The following LRRC7 variants were observed in gnomAD, a reference collection of about 807,000 sequenced individuals.
LRRC7 encodes the protein leucine-rich repeat-containing protein 7.
LRRC7 carries 23 observed loss-of-function variants against 175.7 expected under a neutral mutation model. That is an observed-to-expected ratio of 0.13 (90% CI 0.09 to 0.19). LRRC7 has a LOEUF of 0.19. Ranked by LOEUF, LRRC7 falls within the 10% of genes least tolerant of loss-of-function variation. The pLI is 1.00. For synonymous variants in LRRC7, 685 were observed against 680.9 expected, an observed-to-expected ratio of 1.01 and a Z score of -0.09; for missense variants, 1,354 against 1,904.7, an observed-to-expected ratio of 0.71 and a Z score of 5.38.
rs563587413 is a variant in LRRC7, at chr1:70,142,026, GA to G, written c.*20141del. 8.8e-4 allele frequency: 134 copies of G among 152,030 alleles called. No individual in the cohort carries two copies. The highest frequency in any genetic ancestry group is 3.1e-3 in the African/African-American group (129 of 41,476). 9.4% of individuals were successfully genotyped at this position (152,030 alleles called of 1,614,324 possible). A position where few individuals can be genotyped will look rare whatever the true frequency, so the allele number is the denominator to read the frequency against. On this transcript the variant is annotated 3_prime_UTR_variant, in exon 27 of 27. Coordinates refer to ENST00000651989, the MANE Select transcript of LRRC7 (RefSeq NM_001370785.2). ...TACCCTTCCCCAACCCTCTACTAAA[GA>G]ATATTTCTTATTTAGTCAGGAAATC...
intron 23 of LRRC7, among the ~76,000 whole-genome samples, chr1:70,062,910 T>A (rs1296101666): frequency 6.6e-6 from 1 of 150,508 alleles, no homozygotes; most frequent in South Asian, 2.1e-4. Context: ...AAAATGTGAA[T>A]GGAAAAAAAA....
At chr1:70,068,157 G>T (rs1483971199) in intron 23 of LRRC7, among the ~76,000 whole-genome samples, 1 of 152,128 alleles carries the variant, frequency 6.6e-6, no homozygotes, top group Non-Finnish European at 1.5e-5. Flanking sequence ...AATAAGAGTA[G>T]TGAGAGTGTA....
At chr1:69,941,944 T>C (rs2101800425) in intron 8 of LRRC7, among the ~76,000 whole-genome samples, 1 of 152,280 alleles carries the variant, frequency 6.6e-6, no homozygotes, top group South Asian at 2.1e-4. Flanking sequence ...TTCATTGATA[T>C]GCCTTGCAGA....
intron 25 of LRRC7, among the ~76,000 whole-genome samples, chr1:70,093,712 G>A (rs1189499374): frequency 2.0e-5 from 3 of 152,152 alleles, no homozygotes; most frequent in African/African-American, 2.4e-5. Flanking sequence ...ATACTGTACA[G>A]AGAAGATTGC....
chr1:69,853,015 C>T (rs928909170), intron 7 of LRRC7, among the ~76,000 whole-genome samples: 2 of 152,086 alleles, frequency 1.3e-5, no homozygotes, highest in Non-Finnish European at 2.9e-5. Flanking sequence ...CTGTAGCATA[C>T]TAAATGCATC....
intron 8 of LRRC7, among the ~76,000 whole-genome samples, chr1:69,973,866 A>G (rs1281725921): frequency 6.6e-6 from 1 of 152,172 alleles, no homozygotes; most frequent in Non-Finnish European, 1.5e-5. Flanking sequence ...GATTACAGGC[A>G]TGAACCTCCA....
At chr1:69,721,551 T>A (rs1666352350) in intron 2 of LRRC7, among the ~76,000 whole-genome samples, 1 of 151,952 alleles carries the variant, frequency 6.6e-6, no homozygotes, top group African/African-American at 2.4e-5. Context: ...CTAATTTCTC[T>A]TTAGCACTGA....
rs1666349192 is a variant in LRRC7, at chr1:70,124,376, G to A, written c.*2489G>A. Among the ~76,000 whole-genome samples, 1 of 152,086 alleles carries A rather than the reference G, an allele frequency of 6.6e-6. No individual in the cohort carries two copies. The highest frequency in any genetic ancestry group is 2.4e-5 in the African/African-American group (1 of 41,408). On this transcript the variant is annotated 3_prime_UTR_variant, in exon 27 of 27. Transcript: ENST00000651989. ...ATCTCTACTAAAAATACAAAAATTA[G>A]CTGAGCATGGTGGCGGGCACCTATA...
At chr1:69,964,935 A>G (rs531457338) in intron 8 of LRRC7, among the ~76,000 whole-genome samples, 53 of 152,346 alleles carry the variant, frequency 3.5e-4, no homozygotes, top group African/African-American at 1.2e-3. Flanking sequence ...ATACCTGGCC[A>G]TCTAGATGAA....
At chr1:69,652,230 T>C (rs10889847) in intron 1 of LRRC7, among the ~76,000 whole-genome samples, 1 of 127,284 alleles carries the variant, frequency 7.9e-6, no homozygotes, top group African/African-American at 3.0e-5. Context: ...ACAGATGACA[T>C]GATGTTATAC....
At chr1:69,581,683 T>G (rs1249306793) in intron 1 of LRRC7, among the ~76,000 whole-genome samples, 1 of 152,216 alleles carries the variant, frequency 6.6e-6, no homozygotes, top group Non-Finnish European at 1.5e-5. Context: ...GGAAAAGTAA[T>G]TAAAGCCTCT....
intron 5 of LRRC7, among the ~76,000 whole-genome samples, chr1:69,831,568 T>C (rs1236151740): frequency 6.6e-6 from 1 of 152,072 alleles, no homozygotes; most frequent in Non-Finnish European, 1.5e-5. Context: ...CATCTTCTCT[T>C]TGTTACACAT....
At chr1:69,866,205 A>G (rs553017828) in intron 7 of LRRC7, among the ~76,000 whole-genome samples, 1 of 152,346 alleles carries the variant, frequency 6.6e-6, no homozygotes, top group African/African-American at 2.4e-5. Context: ...ACTGCACCTG[A>G]AAAGAAAACA....
intron 1 of LRRC7, among the ~76,000 whole-genome samples, chr1:69,628,854 A>AACAG (rs1384897471): frequency 1.2e-4 from 19 of 152,174 alleles, no homozygotes; most frequent in African/African-American, 4.6e-4. Flanking sequence ...ATGAATCACA[A>AACAG]ACAGTACAAT....
At chr1:69,688,724 T>C in intron 2 of LRRC7, among the ~76,000 whole-genome samples, 1 of 152,016 alleles carries the variant, frequency 6.6e-6, no homozygotes, top group East Asian at 1.9e-4. Context: ...TACATCCCTA[T>C]TCATGATCAT....
At chr1:69,876,632 T>G (rs1686068641) in intron 7 of LRRC7, among the ~76,000 whole-genome samples, 1 of 152,210 alleles carries the variant, frequency 6.6e-6, no homozygotes, top group Non-Finnish European at 1.5e-5. Context: ...ACAACTTGCT[T>G]TGATTTCAGC....
At chr1:69,576,908 T>G (rs1645975039) in intron 1 of LRRC7, among the ~76,000 whole-genome samples, 1 of 152,224 alleles carries the variant, frequency 6.6e-6, no homozygotes, top group South Asian at 2.1e-4. Flanking sequence ...AGTCCAGGGT[T>G]TGAATTATTC....
At chr1:69,887,049 C>T (rs1192852035) in intron 7 of LRRC7, among the ~76,000 whole-genome samples, 2 of 150,358 alleles carry the variant, frequency 1.3e-5, no homozygotes, top group East Asian at 3.9e-4. Context: ...CTGCCCTTAA[C>T]ATTTTTTCCT....
intron 4 of LRRC7, among the ~76,000 whole-genome samples, chr1:69,808,137 T>C (rs1293417959): frequency 6.6e-6 from 1 of 151,786 alleles, no homozygotes; most frequent in African/African-American, 2.4e-5. Context: ...TGCTGTGTTT[T>C]TAAGCTCCAT....
Sources: allele counts gnomAD v4.1 joint callset (sites outside exome capture counted in the v4.1 genomes callset), GRCh38; gene constraint gnomAD v4.1.1; transcripts MANE v1.5; gene names NCBI Gene and HGNC (gene_info 2026-07-23, HGNC 2026-07-21).